The following ARSB variants were observed in gnomAD, a reference collection of about 807,000 sequenced individuals.
ARSB encodes N-acetylgalactosamine-4-sulfatase.
Under a neutral mutation model 50.9 loss-of-function variants are expected in ARSB, and 41 were observed. The ratio of observed to expected loss-of-function variants is 0.81; its 90% confidence interval spans 0.63 to 1.04. The LOEUF (loss-of-function observed/expected upper bound fraction) is 1.04, where lower values mean the gene tolerates loss of function less well. ARSB is among the 50% of genes least tolerant of loss of function. The pLI, the probability that ARSB is intolerant of heterozygous loss-of-function variation, is 0.00. For synonymous variants in ARSB, 269 were observed against 284.8 expected (o/e 0.94, Z 0.56); for missense variants, 672 against 693.3 (o/e 0.97, Z 0.35).
At chr5:78,960,523 T>C (rs1751934240) in intron 3 of ARSB, among the ~76,000 whole-genome samples, 1 of 152,208 alleles carries the variant, frequency 6.6e-6, no homozygotes, top group Non-Finnish European at 1.5e-5. Context: ...GTGTATAACA[T>C]TACATTTGCT....
chr5:78,898,423 T>C (rs1748667015), intron 4 of ARSB, among the ~76,000 whole-genome samples: 1 of 152,192 alleles, frequency 6.6e-6, no homozygotes. Flanking sequence ...ACTTATTCTA[T>C]GAGGCCAGCA....
At chr5:78,782,691 C>A (rs141561708) in intron 6 of ARSB, among the ~76,000 whole-genome samples, 4 of 152,138 alleles carry the variant, frequency 2.6e-5, no homozygotes, top group Non-Finnish European at 5.9e-5. Flanking sequence ...AGAAGATAGA[C>A]AGATGGAACA....
At chr5:78,789,676 T>C (rs992871146) in intron 6 of ARSB, among the ~76,000 whole-genome samples, 4 of 152,210 alleles carry the variant, frequency 2.6e-5, no homozygotes, top group Admixed American at 6.5e-5. Flanking sequence ...ATTTGTACTA[T>C]AAAGCATTTG....
In ARSB at chr5:78,839,403, A is replaced by G. The variant is rs183729171; in HGVS notation, c.1166T>C (p.Ile389Thr). 1.2e-6 allele frequency: 2 copies of G among 1,613,844 alleles called. No homozygotes were observed. The highest frequency in any genetic ancestry group is 4.5e-5 in the East Asian group (2 of 44,868). Residue 389 changes from isoleucine to threonine, a missense_variant, in exon 6 of 8, where the codon ATT becomes ACT. By Grantham distance (89) the Ile-to-Thr change is moderately conservative. Coordinates refer to ENST00000264914, the MANE Select transcript of ARSB (RefSeq NM_000046.5). ...TISEGSPSPR[I>T]ELLHNIDPNF... The stretch of plus-strand genomic sequence containing the variant: ...CGGGTCAATATTATGCAGCAGCTCA[A>G]TTCTGGGGGATGGGCTTCCTTCACT...
At position 78,805,533 on chromosome 5, in the gene ARSB, T is replaced by C. The variant is rs1258198466; in HGVS notation, c.1214-23559A>G. Among the ~76,000 whole-genome samples the C allele has an allele frequency of 2.6e-5, 4 of 152,208 alleles. No homozygotes were observed. The East Asian group carries it at 7.7e-4, about 29-fold the overall frequency. On this transcript the variant is annotated intron_variant, in intron 6 of 7. Coordinates refer to ENST00000264914, the MANE Select transcript of ARSB (RefSeq NM_000046.5). ...CAGGAAGAGGCTACTGGAGGCTCTTTCACTGCTTTCCACAGAGGTAGGAAC... is the reference window on the plus strand; with the variant it reads ...CAGGAAGAGGCTACTGGAGGCTCTTCCACTGCTTTCCACAGAGGTAGGAAC...
chr5:78,870,551 C>G (rs1747087689), intron 5 of ARSB, among the ~76,000 whole-genome samples: 2 of 149,794 alleles, frequency 1.3e-5, no homozygotes, highest in African/African-American at 4.9e-5. Flanking sequence ...TAAACAGAGC[C>G]AAAGACAAAA....
At chr5:78,785,072 A>G (rs570568338) in intron 6 of ARSB, among the ~76,000 whole-genome samples, 1 of 152,322 alleles carries the variant, frequency 6.6e-6, no homozygotes, top group East Asian at 1.9e-4. Flanking sequence ...TGCTGGGATT[A>G]CAGGCGTGAG....
chr5:78,915,689 T>C (rs1032373861), intron 4 of ARSB, among the ~76,000 whole-genome samples: 3 of 152,214 alleles, frequency 2.0e-5, no homozygotes, highest in Non-Finnish European at 2.9e-5. Flanking sequence ...ATTTTTTTTG[T>C]GGGATATTTG....
intron 5 of ARSB, among the ~76,000 whole-genome samples, chr5:78,844,331 T>A (rs1745352877): frequency 6.6e-6 from 1 of 152,214 alleles, no homozygotes; most frequent in African/African-American, 2.4e-5. Context: ...TGGCCATTTA[T>A]ATATCCTCTT....
chr5:78,786,261 G>GT (rs1749078646), intron 6 of ARSB, among the ~76,000 whole-genome samples: 1 of 152,102 alleles, frequency 6.6e-6, no homozygotes, highest in African/African-American at 2.4e-5. Context: ...GTGGCCTTTC[G>GT]TGTCTGGCTT....
In ARSB at chr5:78,945,236, G is replaced by A. The variant is rs369419026; in HGVS notation, c.898+10059C>T. On this transcript the variant is annotated intron_variant, in intron 4 of 7. Transcript: ENST00000264914. ...ACCCCTTGCGCTTCCCGGGTGAGGCGATGCCTCGCCCTGCTTTGCCTCAGG... is the reference window on the plus strand; with the variant it reads ...ACCCCTTGCGCTTCCCGGGTGAGGCAATGCCTCGCCCTGCTTTGCCTCAGG... 1.3e-4 allele frequency among the ~76,000 whole-genome samples: 20 copies of A among 152,274 alleles called. No individual in the cohort carries two copies. In the East Asian group the frequency reaches 1.5e-3, roughly 12 times the overall value.
chr5:78,799,823 C>T (rs1743311403), intron 6 of ARSB, among the ~76,000 whole-genome samples: 1 of 152,220 alleles, frequency 6.6e-6, no homozygotes, highest in Non-Finnish European at 1.5e-5. Context: ...CTGATGCCCT[C>T]TCCTGGCTCT....
At chr5:78,796,938 C>T (rs1394378088) in intron 6 of ARSB, among the ~76,000 whole-genome samples, 4 of 146,362 alleles carry the variant, frequency 2.7e-5, no homozygotes, top group Admixed American at 6.9e-5. Context: ...AGTGCAGTGG[C>T]GGGATCTCGG....
chr5:78,900,501 G>C (rs1331738131), intron 4 of ARSB, among the ~76,000 whole-genome samples: 1 of 152,132 alleles, frequency 6.6e-6, no homozygotes, highest in Non-Finnish European at 1.5e-5. Flanking sequence ...CTGAAAGAAT[G>C]TAGGGGAGGG....
chr5:78,784,955 T>C lies in ARSB; in HGVS notation c.1214-2981A>G, dbSNP rs182198331. 9.8e-3 allele frequency among the ~76,000 whole-genome samples: 1,487 copies of C among 152,108 alleles called. 15 individuals carry two copies. The highest frequency in any genetic ancestry group is 0.027 in the Middle Eastern group (8 of 292). ...CTGGGATTACAGGTGCATGCCACCATGCCCAGCTAATTTTTTGTATTTTTA... is the reference window on the plus strand; with the variant it reads ...CTGGGATTACAGGTGCATGCCACCACGCCCAGCTAATTTTTTGTATTTTTA... On this transcript the variant is annotated intron_variant, in intron 6 of 7. Coordinates refer to ENST00000264914, the MANE Select transcript of ARSB (RefSeq NM_000046.5).
At chr5:78,840,210 T>C (rs1474361919) in intron 5 of ARSB, among the ~76,000 whole-genome samples, 1 of 152,056 alleles carries the variant, frequency 6.6e-6, no homozygotes, top group Non-Finnish European at 1.5e-5. Flanking sequence ...CTTACAGAAG[T>C]AGCTAAAAAC....
At chr5:78,826,900 T>G (rs539164960) in intron 6 of ARSB, among the ~76,000 whole-genome samples, 1 of 152,250 alleles carries the variant, frequency 6.6e-6, no homozygotes, top group Admixed American at 6.5e-5. Context: ...GGGGAACCTA[T>G]TTGGCTGCCA....
intron 5 of ARSB, among the ~76,000 whole-genome samples, chr5:78,867,416 C>T (rs1746828867): frequency 2.6e-5 from 4 of 152,282 alleles, no homozygotes; most frequent in Admixed American, 2.6e-4. Flanking sequence ...TTAAATGTCC[C>T]TGTCTGACAG....
Position 78,777,866 on chromosome 5 carries a change from A to T in ARSB, c.*2531T>A, listed in dbSNP as rs1189444154. 2 of 151,908 alleles carry T rather than the reference A, an allele frequency of 1.3e-5. No homozygotes were observed. Among genetic ancestry groups the T allele is most frequent in the African/African-American group, 4.8e-5 (2 of 41,306 alleles). The allele number at this position is 151,908 out of a possible 1,614,324, so 9.4% of individuals were successfully genotyped here. A position where few individuals can be genotyped will look rare whatever the true frequency, so the allele number is the denominator to read the frequency against. On this transcript the variant is annotated 3_prime_UTR_variant, in exon 8 of 8. Transcript: ENST00000264914. Reference sequence around the variant, plus strand: ...GACTCCATCTCAAAAAAAAAAAAAAAAAAAATTGGAAAGAAATAACATTAT... The same window carrying T: ...GACTCCATCTCAAAAAAAAAAAAAATAAAAATTGGAAAGAAATAACATTAT...
Sources: allele counts gnomAD v4.1 joint callset (sites outside exome capture counted in the v4.1 genomes callset), GRCh38; gene constraint gnomAD v4.1.1; transcripts MANE v1.5; gene names NCBI Gene and HGNC (gene_info 2026-07-23, HGNC 2026-07-21).